PCDHGA2: variants seen among roughly 807,000 people sequenced by gnomAD.
PCDHGA2 encodes protocadherin gamma subfamily A, 2, also known as protocadherin gamma-A2.
Under a neutral mutation model 59.2 loss-of-function variants are expected in PCDHGA2, and 40 were observed. The observed-to-expected ratio is 0.68, with a 90% CI of 0.52 to 0.88. The LOEUF (loss-of-function observed/expected upper bound fraction) is 0.88. PCDHGA2 is among the 40% of genes least tolerant of loss of function. The pLI is 0.00. For synonymous variants in PCDHGA2, 560 were observed against 526.0 expected (o/e 1.06, Z -0.89); for missense variants, 1,226 against 1,204.0 (o/e 1.02, Z -0.27).
intron 1 of PCDHGA2, among the ~76,000 whole-genome samples, chr5:141,474,448 A>G (rs1350019257): frequency 3.3e-5 from 5 of 152,204 alleles, no homozygotes; most frequent in Non-Finnish European, 5.9e-5. Context: ...GTAGCAAGTG[A>G]TTGGGCTATA....
intron 1 of PCDHGA2, among the ~76,000 whole-genome samples, chr5:141,443,577 G>A (rs567410923): frequency 1.3e-5 from 2 of 152,284 alleles, no homozygotes; most frequent in South Asian, 4.1e-4. Context: ...ATGGACTTGA[G>A]CTAAAACAGA....
chr5:141,356,479 C>G, intron 1 of PCDHGA2: 1 of 1,613,936 alleles, frequency 6.2e-7, no homozygotes. Context: ...TGCCACTGAC[C>G]AGGGAACTCC....
chr5:141,356,869 G>A (rs1241364219), intron 1 of PCDHGA2: 9 of 1,614,064 alleles, frequency 5.6e-6, no homozygotes, highest in Admixed American at 3.3e-5. Flanking sequence ...GGACCAGAAC[G>A]ACAATGTCCC....
In PCDHGA2 at chr5:141,431,628, A is replaced by C. The variant is rs1204083567; in HGVS notation, c.2425-63179A>C. Reference sequence around the variant, plus strand: ...CGGTATGTGGACGACAAGGCGGCCCAAGTTTTCAAACTAGATTGTAATTCA... The same window carrying C: ...CGGTATGTGGACGACAAGGCGGCCCCAGTTTTCAAACTAGATTGTAATTCA... On this transcript the variant is annotated intron_variant, in intron 1 of 3. Coordinates refer to ENST00000394576, the MANE Select transcript of PCDHGA2 (RefSeq NM_018915.4). The surrounding 1 kb of genome is among the most constrained non-coding windows in gnomAD (Gnocchi z 4.8). 1 of 1,614,256 alleles carries C rather than the reference A, an allele frequency of 6.2e-7. No individual in the cohort carries two copies. The highest frequency in any genetic ancestry group is 8.5e-7 in the Non-Finnish European group (1 of 1,180,050).
intron 1 of PCDHGA2, chr5:141,394,859 C>T: frequency 6.2e-7 from 1 of 1,613,758 alleles, no homozygotes; most frequent in Non-Finnish European, 8.5e-7. Context: ...AGCCTTCGGT[C>T]GACCCGAACG....
chr5:141,468,360 A>T (rs1249822461), intron 1 of PCDHGA2: 1 of 151,938 alleles, frequency 6.6e-6, no homozygotes, highest in East Asian at 1.9e-4. Flanking sequence ...GAAAGAAAAA[A>T]GAAATAACTC....
chr5:141,464,043 T>C (rs2099074643), intron 1 of PCDHGA2, among the ~76,000 whole-genome samples: 2 of 152,074 alleles, frequency 1.3e-5, no homozygotes, highest in African/African-American at 4.8e-5. Context: ...GGCGGGTGGA[T>C]CACCTGAGGT....
Position 141,413,600 on chromosome 5 carries a change from T to A in PCDHGA2, c.2424+72205T>A, listed in dbSNP as rs767830855. ...GCTCCAAAATTCCAAGCAGAAAATC[T>A]AGACGTAAAAATTAATGAAAATGTC... On this transcript the variant is annotated intron_variant, in intron 1 of 3. Transcript: ENST00000394576. 2.4e-5 allele frequency: 39 copies of A among 1,613,750 alleles called. No homozygotes were observed. Among genetic ancestry groups the A allele is most frequent in the Non-Finnish European group, 3.3e-5 (39 of 1,179,908 alleles).
rs559164097 is a variant in PCDHGA2, at chr5:141,350,779, A to G, written c.2424+9384A>G. On this transcript the variant is annotated intron_variant, in intron 1 of 3. Transcript: ENST00000394576. ...AGTTATACACCATCAACCCCAATCA[A>G]TACTTCTCTCTGTCAACGAAGGAAA... 12 of 1,613,968 alleles carry G rather than the reference A, an allele frequency of 7.4e-6. No individual in the cohort carries two copies. The Admixed American group carries it at 1.2e-4, about 16-fold the overall frequency.
chr5:141,365,943 G>C (rs759969199), intron 1 of PCDHGA2: 3 of 1,614,204 alleles, frequency 1.9e-6, no homozygotes, highest in Non-Finnish European at 2.5e-6. Context: ...AGCGACAGTG[G>C]GAACCCTCCA....
chr5:141,380,502 T>C (rs932449846), intron 1 of PCDHGA2, among the ~76,000 whole-genome samples: 2 of 152,190 alleles, frequency 1.3e-5, no homozygotes, highest in Admixed American at 1.3e-4. Flanking sequence ...AACAATAATA[T>C]ACACTCTTTA....
chr5:141,377,736 G>A (rs1308540994), intron 1 of PCDHGA2: 1 of 152,060 alleles, frequency 6.6e-6, no homozygotes, highest in African/African-American at 2.4e-5. Flanking sequence ...AAGAATCATT[G>A]GTAACTGCAG....
rs758515649 is a variant in PCDHGA2 at position 141,432,368 on chromosome 5, A to G, written c.2425-62439A>G. On this transcript the variant is annotated intron_variant, in intron 1 of 3. Coordinates refer to ENST00000394576, the MANE Select transcript of PCDHGA2 (RefSeq NM_018915.4). This position sits in a 1 kb window ranked among gnomAD's most constrained non-coding sequence, Gnocchi z 6.0. ...GCAAGTGAAAGTGATGGCGCGGGAC[A>G]ACGGGCACCCGCCCCTCAGCAGCAA... 1.2e-6 allele frequency: 2 copies of G among 1,614,110 alleles called. No homozygotes were observed. Among genetic ancestry groups the G allele is most frequent in the Non-Finnish European group, 1.7e-6 (2 of 1,180,054 alleles).
At chr5:141,383,028 CT>C (rs1561593940) in intron 1 of PCDHGA2, 2 of 1,613,814 alleles carry the variant, frequency 1.2e-6, no homozygotes, top group Non-Finnish European at 1.7e-6. Context: ...ACAAAGGGTC[CT>C]TTGTGGGAGA....
In PCDHGA2 at chr5:141,405,081, C is replaced by T. The variant is rs749102403; in HGVS notation, c.2424+63686C>T. 1.0e-4 allele frequency: 163 copies of T among 1,613,766 alleles called. No homozygotes were observed. The highest frequency in any genetic ancestry group is 1.2e-4 in the Non-Finnish European group (138 of 1,179,768). ...TGTGTCTTCCTCACCTTCGTTATCA[C>T]GCTGCTGGCCCTCAGGCTGAGGCAC... On this transcript the variant is annotated intron_variant, in intron 1 of 3. Transcript: ENST00000394576.
chr5:141,409,820 C>T (rs1276944982), intron 1 of PCDHGA2: 4 of 1,610,926 alleles, frequency 2.5e-6, no homozygotes, highest in Non-Finnish European at 3.4e-6. Flanking sequence ...CCACGGCTCG[C>T]CCACGCTCAG....
chr5:141,391,071 T>C (rs905482954), intron 1 of PCDHGA2: 2 of 152,220 alleles, frequency 1.3e-5, no homozygotes, highest in African/African-American at 4.8e-5. Context: ...CCCTAATATA[T>C]AATGTGTAAC....
In PCDHGA2 at chr5:141,449,878, A is replaced by G. The variant is rs536474516; in HGVS notation, c.2425-44929A>G. On this transcript the variant is annotated intron_variant, in intron 1 of 3. Transcript: ENST00000394576. ...ATAAAAATCAGAAAATTTAACATCA[A>G]TGCAATATAATTATTTAGCCTATAG... 6.6e-4 allele frequency among the ~76,000 whole-genome samples: 100 copies of G among 152,050 alleles called. 1 individual carries two copies. The highest frequency in any genetic ancestry group is 2.4e-3 in the African/African-American group (99 of 41,574).
At chr5:141,399,230 A>G (rs764321114) in intron 1 of PCDHGA2, 2 of 1,614,002 alleles carry the variant, frequency 1.2e-6, no homozygotes, top group Non-Finnish European at 1.7e-6. Context: ...ATCAAAATAC[A>G]TGACCAAGAT....
Sources: gnomAD v4.1 joint callset for allele counts (sites outside exome capture counted in the v4.1 genomes callset) on GRCh38, gnomAD v4.1.1 for gene constraint, Gnocchi (gnomAD v3.1) non-coding constraint, MANE v1.5 for transcripts, NCBI Gene and HGNC (gene_info 2026-07-23, HGNC 2026-07-21) for gene names.